Variants in ANO10 observed in about 807,000 individuals in gnomAD.
The protein encoded by ANO10 is anoctamin 10.
In ANO10, 77 loss-of-function variants were observed where a neutral mutation model predicts 74.7. The ratio of observed to expected loss-of-function variants is 1.03; its 90% confidence interval spans 0.86 to 1.25. The LOEUF (loss-of-function observed/expected upper bound fraction) is 1.25. Among genes scored for constraint, ANO10 ranks in the 50% most tolerant of loss-of-function variants. The probability of loss-of-function intolerance (pLI) is 0.00; values close to 1 mark genes in which losing one functional copy is unlikely to be tolerated. For missense variants in ANO10, 721 were observed against 778.1 expected (o/e 0.93, Z 0.87); for synonymous variants, 279 against 284.9 (o/e 0.98, Z 0.21).
At chr3:43,490,968 A>AG (rs1243006816) in intron 11 of ANO10, among the ~76,000 whole-genome samples, 1 of 152,046 alleles carries the variant, frequency 6.6e-6, no homozygotes, top group African/African-American at 2.4e-5. Flanking sequence ...ATAAGATCTC[A>AG]GGAGTTGGAC....
intron 11 of ANO10, among the ~76,000 whole-genome samples, chr3:43,450,722 T>A (rs1250742736): frequency 6.6e-6 from 1 of 152,162 alleles, no homozygotes; most frequent in East Asian, 1.9e-4. Flanking sequence ...CCACGTGAAC[T>A]AAAGCCATAA....
intron 7 of ANO10, among the ~76,000 whole-genome samples, chr3:43,570,164 C>G (rs1340117799): frequency 2.2e-5 from 3 of 137,402 alleles, no homozygotes; most frequent in African/African-American, 8.2e-5. Context: ...CTACAAACCA[C>G]TGCTCAAGGA....
rs192953332 is a variant in ANO10, at chr3:43,525,756, C to T, written c.1797+23964G>A. ...AGGGAGCTGATGCATTTTCAAAGAGCGGTGGCCCAGTTTTCAAATTTGTTC... is the reference window on the plus strand; with the variant it reads ...AGGGAGCTGATGCATTTTCAAAGAGTGGTGGCCCAGTTTTCAAATTTGTTC... On this transcript the variant is annotated intron_variant, in intron 11 of 12. Coordinates refer to ENST00000292246, the MANE Select transcript of ANO10 (RefSeq NM_018075.5). Among the ~76,000 whole-genome samples, 193 of 152,256 alleles carry T rather than the reference C, an allele frequency of 1.3e-3. 2 individuals are homozygous for T. Among genetic ancestry groups the T allele is most frequent in the Middle Eastern group, 3.4e-3 (1 of 294 alleles).
chr3:43,647,059 G>T (rs1025373638), intron 1 of ANO10, among the ~76,000 whole-genome samples: 1 of 151,976 alleles, frequency 6.6e-6, no homozygotes, highest in Non-Finnish European at 1.5e-5. Context: ...TGCCATTGGA[G>T]TATGATTCCT....
In ANO10 at chr3:43,502,391, G is replaced by A. The variant is rs1340168438; in HGVS notation, c.1797+47329C>T. On this transcript the variant is annotated intron_variant, in intron 11 of 12. Transcript: ENST00000292246. ...TCCTTGCTGTAATGAGTGACTTCTCGCTCTATTAGTTCCTGCCAGAGCTGG... is the reference window on the plus strand; with the variant it reads ...TCCTTGCTGTAATGAGTGACTTCTCACTCTATTAGTTCCTGCCAGAGCTGG... Among the ~76,000 whole-genome samples, 4 of 152,166 alleles carry A rather than the reference G, an allele frequency of 2.6e-5. No homozygotes were observed. The South Asian group carries it at 6.2e-4, about 24-fold the overall frequency.
intron 1 of ANO10, among the ~76,000 whole-genome samples, chr3:43,611,086 G>C (rs1461220687): frequency 6.6e-6 from 1 of 152,130 alleles, no homozygotes; most frequent in South Asian, 2.1e-4. Flanking sequence ...TACACGGCTA[G>C]GCTACATTTT....
intron 11 of ANO10, among the ~76,000 whole-genome samples, chr3:43,535,117 G>A (rs1050610295): frequency 6.6e-6 from 1 of 151,850 alleles, no homozygotes; most frequent in African/African-American, 2.4e-5. Flanking sequence ...GGCATTACAG[G>A]AGTGCACCAC....
At chr3:43,672,236 A>G (rs2084068420) in intron 1 of ANO10, among the ~76,000 whole-genome samples, 1 of 152,204 alleles carries the variant, frequency 6.6e-6, no homozygotes, top group African/African-American at 2.4e-5. Context: ...AACTAACAAG[A>G]AAACAGTCCT....
intron 11 of ANO10, among the ~76,000 whole-genome samples, chr3:43,478,412 T>C (rs1443164105): frequency 6.6e-6 from 1 of 152,222 alleles, no homozygotes; most frequent in Non-Finnish European, 1.5e-5. Flanking sequence ...ACCCATTTTA[T>C]AGATTAAGAA....
intron 12 of ANO10, among the ~76,000 whole-genome samples, chr3:43,385,304 T>C (rs1467918922): frequency 6.6e-6 from 1 of 152,212 alleles, no homozygotes. Flanking sequence ...ACTTTTACAC[T>C]GTTGGTGGGA....
chr3:43,659,498 G>A (rs947729320), intron 1 of ANO10, among the ~76,000 whole-genome samples: 1 of 152,176 alleles, frequency 6.6e-6, no homozygotes, highest in African/African-American at 2.4e-5. Context: ...GGAGCTTGGT[G>A]GGGGGAGGGG....
At chr3:43,406,105 A>G (rs1243552704) in intron 12 of ANO10, among the ~76,000 whole-genome samples, 1 of 152,180 alleles carries the variant, frequency 6.6e-6, no homozygotes, top group Non-Finnish European at 1.5e-5. Flanking sequence ...GGACATAGAC[A>G]TGTCCACAAT....
intron 12 of ANO10, among the ~76,000 whole-genome samples, chr3:43,398,122 G>A (rs890537513): frequency 6.6e-6 from 1 of 152,186 alleles, no homozygotes; most frequent in Non-Finnish European, 1.5e-5. Context: ...AAAAGAAGAG[G>A]ACTCTGGACT....
At chr3:43,537,561 C>G (rs1246171180) in intron 11 of ANO10, among the ~76,000 whole-genome samples, 2 of 151,498 alleles carry the variant, frequency 1.3e-5, no homozygotes, top group Non-Finnish European at 2.9e-5. Flanking sequence ...CTGCTCCATC[C>G]ACCAGAGCAG....
intron 12 of ANO10, among the ~76,000 whole-genome samples, chr3:43,396,073 T>A (rs1484624725): frequency 1.4e-5 from 2 of 144,084 alleles, no homozygotes; most frequent in Middle Eastern, 3.4e-3. Flanking sequence ...AATTTATTTA[T>A]TTATTTTTTT....
At chr3:43,448,447 T>A (rs1470018450) in intron 11 of ANO10, among the ~76,000 whole-genome samples, 2 of 152,272 alleles carry the variant, frequency 1.3e-5, no homozygotes, top group African/African-American at 4.8e-5. Flanking sequence ...TCATACAGTA[T>A]ATAGCCTTTT....
rs184756780 is a variant in ANO10 at position 43,577,012 on chromosome 3, A to G, written c.842T>C (p.Phe281Ser). 2.0e-4 allele frequency: 319 copies of G among 1,613,878 alleles called. 1 individual carries two copies. In the East Asian group the frequency reaches 5.6e-3, roughly 28 times the overall value. Residue 281 changes from phenylalanine to serine, a missense_variant, in exon 6 of 13, where the codon TTT (phenylalanine) becomes TCT (serine). Physicochemically the swap from Phe to Ser is radical, Grantham distance 155. Transcript: ENST00000292246. ...ATGAAATCCTGGCCGGGGCTCCTCAAACTTTCTCTTCATGAGCAGTGTCCC... is the reference window on the plus strand; with the variant it reads ...ATGAAATCCTGGCCGGGGCTCCTCAGACTTTCTCTTCATGAGCAGTGTCCC... Reference protein sequence around the residue: ...RWGTLLMKRKFEEPRPGFHGV... With the variant: ...RWGTLLMKRKSEEPRPGFHGV...
intron 10 of ANO10, among the ~76,000 whole-genome samples, chr3:43,552,726 A>ATATATATATATG (rs1553710721): frequency 8.4e-5 from 8 of 95,600 alleles, no homozygotes; most frequent in Non-Finnish European, 1.3e-4. Context: ...ATATATATAT[A>ATATATATATATG]TATGTATGTA....
intron 1 of ANO10, among the ~76,000 whole-genome samples, chr3:43,661,084 C>A (rs573767146): frequency 6.6e-6 from 1 of 152,206 alleles, no homozygotes; most frequent in South Asian, 2.1e-4. Flanking sequence ...AGAAGAGCAA[C>A]CCCAAGAAAC....
Sources: allele counts gnomAD v4.1 joint callset (sites outside exome capture counted in the v4.1 genomes callset), GRCh38; gene constraint gnomAD v4.1.1; transcripts MANE v1.5; gene names NCBI Gene and HGNC (gene_info 2026-07-23, HGNC 2026-07-21).